The following MGAT5 variants were observed in gnomAD, a reference collection of about 807,000 sequenced individuals.
MGAT5 encodes the protein alpha-1,6-mannosylglycoprotein 6-beta-N-acetylglucosaminyltransferase.
A neutral mutation model predicts 94.3 loss-of-function variants in MGAT5; 30 were observed. The ratio of observed to expected loss-of-function variants is 0.32; its 90% CI spans 0.24 to 0.43. The LOEUF (loss-of-function observed/expected upper bound fraction) is 0.43, where lower values mean the gene tolerates loss of function less well. Ranked by LOEUF, MGAT5 falls within the 20% of genes least tolerant of loss-of-function variation. The probability of loss-of-function intolerance (pLI) is 1.00; values close to 1 mark genes in which losing one functional copy is unlikely to be tolerated. For missense variants in MGAT5, 691 were observed against 905.5 expected, an observed-to-expected ratio of 0.76 and a Z score of 3.04; for synonymous variants, 310 against 322.9, an observed-to-expected ratio of 0.96 and a Z score of 0.43.
chr2:134,407,883 G>C (rs148159479), intron 11 of MGAT5, among the ~76,000 whole-genome samples: 78 of 152,338 alleles, frequency 5.1e-4, no homozygotes, highest in African/African-American at 1.8e-3. Flanking sequence ...GTCCCATTCA[G>C]AGGACAGGAG....
intron 1 of MGAT5, among the ~76,000 whole-genome samples, chr2:134,177,326 G>C (rs937937322): frequency 6.6e-6 from 1 of 152,132 alleles, no homozygotes; most frequent in African/African-American, 2.4e-5. Flanking sequence ...AGGTTCTCTA[G>C]GTCATCCTGC....
chr2:134,247,356 A>G (rs1393139992), intron 1 of MGAT5, among the ~76,000 whole-genome samples: 2 of 111,804 alleles, frequency 1.8e-5, no homozygotes, highest in African/African-American at 3.9e-5. Flanking sequence ...CCTGGGCCTG[A>G]ATTAAAAAAA....
intron 1 of MGAT5, among the ~76,000 whole-genome samples, chr2:134,217,165 A>C (rs989132911): frequency 6.6e-6 from 1 of 151,920 alleles, no homozygotes; most frequent in Non-Finnish European, 1.5e-5. Context: ...TGATTTTCAT[A>C]ACTTACGCTA....
intron 10 of MGAT5, among the ~76,000 whole-genome samples, chr2:134,402,430 C>T (rs1574023096): frequency 6.6e-6 from 1 of 152,164 alleles, no homozygotes; most frequent in East Asian, 1.9e-4. Flanking sequence ...GAGAAACTCT[C>T]ATCTTCCCAT....
chr2:134,403,273 A>G (rs958447844), intron 11 of MGAT5, 136 bp downstream of exon 11: 7 of 789,188 alleles, frequency 8.9e-6, no homozygotes, highest in Admixed American at 3.6e-5. Flanking sequence ...TGCTAGACCA[A>G]TGGCAGCTGA....
Position 134,274,866 on chromosome 2 carries a change from A to G in MGAT5, c.406+4316A>G, listed in dbSNP as rs370546695. 1.1e-4 allele frequency among the ~76,000 whole-genome samples: 17 copies of G among 152,324 alleles called. No homozygotes were observed. The East Asian group carries it at 1.3e-3, about 12-fold the overall frequency. ...GGAGCGATATGCAACACTTTCTAGT[A>G]TTTGGGGTTGAAGTGCAATGTATTT... On this transcript the variant is annotated intron_variant, in intron 2 of 15. Coordinates refer to ENST00000281923, the MANE Select transcript of MGAT5 (RefSeq NM_002410.5).
upstream of MGAT5, among the ~76,000 whole-genome samples, chr2:134,249,700 G>C (rs1329860073): frequency 1.3e-5 from 2 of 152,230 alleles, no homozygotes; most frequent in Non-Finnish European, 2.9e-5. Flanking sequence ...ATGCTGCTGA[G>C]TATGGATACT....
chr2:134,403,246 A>C, intron 11 of MGAT5, 109 bp downstream of exon 11: 3 of 1,187,256 alleles, frequency 2.5e-6, no homozygotes, highest in Non-Finnish European at 3.4e-6. Flanking sequence ...TCTTGTGGCT[A>C]TTTTGGGGCA....
intron 15 of MGAT5, among the ~76,000 whole-genome samples, chr2:134,442,601 G>C (rs1225707131): frequency 2.6e-5 from 4 of 152,148 alleles, no homozygotes; most frequent in Admixed American, 1.3e-4. Context: ...CGCCTTCCTT[G>C]AATTTCTTAC....
intron 4 of MGAT5, among the ~76,000 whole-genome samples, chr2:134,334,517 T>TTTTTTTTTTC (rs1688218437): frequency 6.8e-6 from 1 of 147,114 alleles, no homozygotes; most frequent in South Asian, 2.2e-4. Context: ...TTTTTTTTTT[T>TTTTTTTTTTC]TTGCAGGGTT....
In MGAT5 at chr2:134,403,057, A is replaced by G. The variant is rs1239034585; in HGVS notation, c.1450A>G (p.Thr484Ala). The change falls in exon 11 of 16, where the codon ACA (threonine) becomes GCA (alanine). Residue 484 changes from threonine (T) to alanine (A), a missense_variant. Thr to Ala is a moderately conservative substitution (Grantham distance 58, BLOSUM62 0). Around this residue, in one of 4 missense-constraint regions of MGAT5, gnomAD observed 260 missense variants for 347.0 expected, o/e 0.75. Transcript: ENST00000281923. ...EVHATVYGSS[T>A]KNIPSYVKNH... ...GCATGCAACTGTTTATGGCTCCAGCACAAAGAATATTCCCAGTTACGTGAA... is the reference window on the plus strand; with the variant it reads ...GCATGCAACTGTTTATGGCTCCAGCGCAAAGAATATTCCCAGTTACGTGAA... The G allele has an allele frequency of 1.2e-6, 2 of 1,613,028 alleles. No individual in the cohort carries two copies. The highest frequency in any genetic ancestry group is 2.2e-5 in the East Asian group (1 of 44,852).
chr2:134,138,178 C>G (rs1300811361), intron 1 of MGAT5, among the ~76,000 whole-genome samples: 1 of 150,250 alleles, frequency 6.7e-6, no homozygotes, highest in Non-Finnish European at 1.5e-5. Context: ...AGATACCTAA[C>G]ATAATTTTAT....
intron 1 of MGAT5, among the ~76,000 whole-genome samples, chr2:134,265,835 T>C (rs1352839536): frequency 6.6e-6 from 1 of 152,164 alleles, no homozygotes; most frequent in Non-Finnish European, 1.5e-5. Flanking sequence ...ATAGAAATTA[T>C]TTGTACAGTT....
chr2:134,149,625 T>G (rs545763621), intron 1 of MGAT5, among the ~76,000 whole-genome samples: 1 of 152,258 alleles, frequency 6.6e-6, no homozygotes, highest in African/African-American at 2.4e-5. Flanking sequence ...CACATGCTTA[T>G]AGACCCACAT....
intron 4 of MGAT5, among the ~76,000 whole-genome samples, chr2:134,319,267 T>C (rs901023303): frequency 2.6e-5 from 4 of 152,212 alleles, no homozygotes; most frequent in African/African-American, 9.6e-5. Flanking sequence ...TGCCCCATTT[T>C]ATACCAACAG....
In MGAT5 at chr2:134,317,557, TGTA is replaced by T; in HGVS notation, c.436_438del (p.Val146del). ...TCATTAACGGAGCTCAAGAAAAATG[TGTA>T]TTGCCTCCTATGGACGGCTACCCTC... is the stretch of plus-strand genomic sequence containing the variant. On this transcript the variant is annotated inframe_deletion, in exon 3 of 16. Coordinates refer to ENST00000281923, the MANE Select transcript of MGAT5 (RefSeq NM_002410.5). The T allele has an allele frequency of 6.4e-7, 1 of 1,570,102 alleles. No individual in the cohort carries two copies. The highest frequency in any genetic ancestry group is 8.6e-7 in the Non-Finnish European group (1 of 1,160,058).
chr2:134,131,907 G>T (rs750689323), intron 1 of MGAT5, among the ~76,000 whole-genome samples: 3 of 152,216 alleles, frequency 2.0e-5, no homozygotes, highest in Non-Finnish European at 4.4e-5. Flanking sequence ...TGTGCTTGCC[G>T]ATTTCATCAT....
chr2:134,363,995 C>T (rs997936388), intron 10 of MGAT5, among the ~76,000 whole-genome samples: 1 of 152,144 alleles, frequency 6.6e-6, no homozygotes, highest in Non-Finnish European at 1.5e-5. Flanking sequence ...TCTGTATCTG[C>T]TTGAAGAAGA....
At chr2:134,177,233 A>G (rs1688515168) in intron 1 of MGAT5, among the ~76,000 whole-genome samples, 1 of 149,208 alleles carries the variant, frequency 6.7e-6, no homozygotes, top group South Asian at 2.1e-4. Flanking sequence ...AGGTTGATAA[A>G]CAGTTCTATG....
Sources: allele counts gnomAD v4.1 joint callset (sites outside exome capture counted in the v4.1 genomes callset), GRCh38; gene constraint gnomAD v4.1.1; regional missense constraint gnomAD v4.1.1; transcripts MANE v1.5; gene names NCBI Gene and HGNC (gene_info 2026-07-23, HGNC 2026-07-21).